Variants in TREH observed in about 807,000 individuals in gnomAD.
TREH encodes the protein alpha,alpha-trehalose glucohydrolase.
In TREH, 69 loss-of-function variants were observed where a neutral mutation model predicts 80.5. The observed-to-expected ratio is 0.86, with a 90% CI of 0.71 to 1.05. TREH has a LOEUF of 1.05. Among genes scored for constraint, TREH ranks in the 50% least tolerant of loss-of-function variants. TREH has a pLI of 0.00. For synonymous variants in TREH, 309 were observed against 293.5 expected (o/e 1.05, Z -0.54); for missense variants, 716 against 718.8 (o/e 1.00, Z 0.04).
At chr11:118,676,093 C>G (rs1949476392) in intron 1 of TREH, among the ~76,000 whole-genome samples, 2 of 152,218 alleles carry the variant, frequency 1.3e-5, no homozygotes, top group African/African-American at 4.8e-5. Flanking sequence ...AATTGAACTC[C>G]ATCTCCAGCC....
intron 1 of TREH, among the ~76,000 whole-genome samples, chr11:118,671,061 T>C (rs782075089): frequency 1.4e-4 from 21 of 152,152 alleles, no homozygotes; most frequent in Admixed American, 5.9e-4. Flanking sequence ...TGTAAATGCT[T>C]CTCCTTCAGT....
In TREH at chr11:118,674,403, C is replaced by A. The variant is rs142118656; in HGVS notation, c.89+5136G>T. 2.6e-3 allele frequency among the ~76,000 whole-genome samples: 397 copies of A among 152,266 alleles called. 1 individual carries two copies. The highest frequency in any genetic ancestry group is 4.4e-3 in the Non-Finnish European group (302 of 68,026). On this transcript the variant is annotated intron_variant, in intron 1 of 14. Coordinates refer to ENST00000264029, the MANE Select transcript of TREH (RefSeq NM_007180.3). The surrounding 1 kb of genome is among the most constrained non-coding windows in gnomAD (Gnocchi z 4.4). ...TCAATATTGCTTGATGAGTGGATTT[C>A]CATACCTTCTGTTTTACAATACTAG... is the stretch of plus-strand genomic sequence containing the variant.
Position 118,674,139 on chromosome 11 carries a change from T to C in TREH, c.89+5400A>G, listed in dbSNP as rs964253934. 3.0e-4 allele frequency among the ~76,000 whole-genome samples: 45 copies of C among 152,250 alleles called. No homozygotes were observed. Among genetic ancestry groups the C allele is most frequent in the Admixed American group, 9.2e-4 (14 of 15,292 alleles). On this transcript the variant is annotated intron_variant, in intron 1 of 14. Transcript: ENST00000264029. The surrounding 1 kb of genome is among the most constrained non-coding windows in gnomAD (Gnocchi z 4.4). ...CTGTGAGCATTTCCCCAAGATATTA[T>C]AGGTATTTCAGGTTTCAAGATTATC... is the stretch of plus-strand genomic sequence containing the variant.
At position 118,679,524 on chromosome 11, in the gene TREH, T is replaced by C; in HGVS notation, c.89+15A>G. ...TTATTGCCATCCTCCCCTGCTGCCT[T>C]CCCCACACCCCTACCTCTCACAGGG... On this transcript the variant is annotated intron_variant, in intron 1 of 14. Transcript: ENST00000264029. The C allele has an allele frequency of 6.8e-7, 1 of 1,472,940 alleles. No homozygotes were observed. Among genetic ancestry groups the C allele is most frequent in the African/African-American group, 1.4e-5 (1 of 70,534 alleles). The allele number at this position is 1,472,940 out of a possible 1,614,324, so 91.2% of individuals were successfully genotyped here.
Position 118,679,571 on chromosome 11 carries a change from C to T in TREH, c.57G>A (p.Gly19=). ...AGGGTGGGGGTAGGGCCTCCTGGGACCCCAGTCCCAGCCCCAGCAGCAGTA... is the reference window on the plus strand; with the variant it reads ...AGGGTGGGGGTAGGGCCTCCTGGGATCCCAGTCCCAGCCCCAGCAGCAGTA... The part of the protein sequence containing the change: ...CLLLLLGLGL[G]SQEALPPPCE... The change falls in exon 1 of 15, where the codon GGG becomes GGA. Residue 19 remains glycine, a synonymous_variant. Coordinates refer to ENST00000264029, the MANE Select transcript of TREH (RefSeq NM_007180.3). 6.4e-7 allele frequency: 1 copy of T among 1,551,426 alleles called. No homozygotes were observed. The highest frequency in any genetic ancestry group is 1.2e-5 in the South Asian group (1 of 81,240).
In TREH at chr11:118,661,061, G is replaced by C; in HGVS notation, c.857+99C>G. 6.3e-7 allele frequency: 1 copy of C among 1,581,080 alleles called. No homozygotes were observed. Reference sequence around the variant, plus strand: ...GGGCTCTCGGTGTCACCATCTGAGAGGCCAGGCTAAGTCACTCCTCCTCCT... The same window carrying C: ...GGGCTCTCGGTGTCACCATCTGAGACGCCAGGCTAAGTCACTCCTCCTCCT... On this transcript the variant is annotated intron_variant, in intron 8 of 14. Coordinates refer to ENST00000264029, the MANE Select transcript of TREH (RefSeq NM_007180.3). This position sits in a 1 kb window ranked among gnomAD's most constrained non-coding sequence, Gnocchi z 4.2.
intron 1 of TREH, 94 bp from the exon 2 acceptor site, chr11:118,663,533 A>G: frequency 9.7e-7 from 1 of 1,030,628 alleles, no homozygotes; most frequent in Non-Finnish European, 1.4e-6. Context: ...TGGTCAAGGC[A>G]TGTTCCCTGG....
intron 11 of TREH, 98 bp downstream of exon 11, chr11:118,659,647 GGC>G (rs1949288246): frequency 6.9e-7 from 1 of 1,440,932 alleles, no homozygotes; most frequent in Non-Finnish European, 9.4e-7. Context: ...TGGGACAAGG[GGC>G]ATAGCCGGAG....
rs1949241681 is a variant in TREH at position 118,658,366 on chromosome 11, T to G, written c.1675A>C (p.Lys559Gln). ...RYGDRLTSGA[K>Q]LAFLEPHCLA... The stretch of plus-strand genomic sequence containing the variant: ...CAGTGGGGCTCCAGGAAAGCCAGCT[T>G]GGCCCCTGAGGTCAGCCGGTCACCA... Residue 559 changes from lysine to glutamine, a missense_variant, in exon 15 of 15, where the codon AAG (lysine) becomes CAG (glutamine). Physicochemically the swap from Lys to Gln is moderately conservative, Grantham distance 53. Coordinates refer to ENST00000264029, the MANE Select transcript of TREH (RefSeq NM_007180.3). The G allele has an allele frequency of 1.2e-6, 2 of 1,606,694 alleles. No homozygotes were observed. Among genetic ancestry groups the G allele is most frequent in the African/African-American group, 2.7e-5 (2 of 74,740 alleles).
intron 1 of TREH, among the ~76,000 whole-genome samples, chr11:118,672,814 T>C (rs1949442959): frequency 6.6e-6 from 1 of 151,584 alleles, no homozygotes; most frequent in Non-Finnish European, 1.5e-5. Flanking sequence ...ACACTAGAAC[T>C]GTGGTGTGTA....
chr11:118,661,872 T>C lies in TREH; in HGVS notation c.524+18A>G. On this transcript the variant is annotated intron_variant, in intron 5 of 14. Coordinates refer to ENST00000264029, the MANE Select transcript of TREH (RefSeq NM_007180.3). This position sits in a 1 kb window ranked among gnomAD's most constrained non-coding sequence, Gnocchi z 4.2. The stretch of plus-strand genomic sequence containing the variant: ...CCAGTCCTGCAGGCCCCTTGGTCTC[T>C]TGGGCCTGGGCGCTCACCAGTAGTA... 1 of 1,563,386 alleles carries C rather than the reference T, an allele frequency of 6.4e-7. No individual in the cohort carries two copies.
chr11:118,662,922 C>T lies in TREH; in HGVS notation c.382G>A (p.Ala128Thr), dbSNP rs782231713. The T allele has an allele frequency of 1.2e-5, 20 of 1,608,124 alleles. No homozygotes were observed. Among genetic ancestry groups the T allele is most frequent in the Non-Finnish European group, 1.7e-5 (20 of 1,177,152 alleles). ...KISDAKLRAW[A>T]GQLHQLWKKL... The stretch of plus-strand genomic sequence containing the variant: ...TTCCAGAGCTGATGCAGCTGCCCTG[C>T]CCAGGCACGCAGTTTGGCATCTGAA... Residue 128 changes from alanine (A) to threonine (T), a missense_variant, in exon 4 of 15, where the codon GCA (alanine) becomes ACA (threonine). Transcript: ENST00000264029.
rs1210607018 is a variant in TREH at position 118,674,603 on chromosome 11, C to T, written c.89+4936G>A. On this transcript the variant is annotated intron_variant, in intron 1 of 14. Transcript: ENST00000264029. The surrounding 1 kb of genome is among the most constrained non-coding windows in gnomAD (Gnocchi z 4.4). Reference sequence around the variant, plus strand: ...TGTTGCCCAAGCTGGAGTGCAATGGCGAGATCTCAGCTCACTGCAACCTCC... The same window carrying T: ...TGTTGCCCAAGCTGGAGTGCAATGGTGAGATCTCAGCTCACTGCAACCTCC... 1.3e-5 allele frequency among the ~76,000 whole-genome samples: 2 copies of T among 152,114 alleles called. No individual in the cohort carries two copies. The highest frequency in any genetic ancestry group is 2.4e-5 in the African/African-American group (1 of 41,420).
Position 118,658,751 on chromosome 11 carries a change from G to C in TREH, c.1546-18C>G. 6.2e-6 allele frequency: 10 copies of C among 1,608,926 alleles called. No individual in the cohort carries two copies. The highest frequency in any genetic ancestry group is 8.5e-6 in the Non-Finnish European group (10 of 1,177,592). ...ACGTCATACTGGGGACAAGCGGGTG[G>C]GCTGTATGTCAGGTACTGCCCCCCA... On this transcript the variant is annotated intron_variant, in intron 13 of 14. Transcript: ENST00000264029.
In TREH at chr11:118,662,930, C is replaced by T. The variant is rs573986675; in HGVS notation, c.374G>A (p.Arg125His). ...CTGATGCAGCTGCCCTGCCCAGGCA[C>T]GCAGTTTGGCATCTGAAATCTTCTG... ...FLQKISDAKL[R>H]AWAGQLHQLW... The change falls in exon 4 of 15, where the codon CGT becomes CAT. Residue 125 changes from arginine (R) to histidine (H), a missense_variant. Arg to His is a conservative substitution (Grantham distance 29, BLOSUM62 0). Coordinates refer to ENST00000264029, the MANE Select transcript of TREH (RefSeq NM_007180.3). 59 of 1,610,416 alleles carry T rather than the reference C, an allele frequency of 3.7e-5. No homozygotes were observed. Among genetic ancestry groups the T allele is most frequent in the East Asian group, 1.1e-4 (5 of 44,796 alleles).
chr11:118,659,035 C>G lies in TREH; in HGVS notation c.1433-18G>C, dbSNP rs782027209. ...GGCCAGGCCTAGACCCCATTGCAGG[C>G]AGGACTCAACCTCCAGGTCTCCCAT... On this transcript the variant is annotated intron_variant, in intron 12 of 14. Coordinates refer to ENST00000264029, the MANE Select transcript of TREH (RefSeq NM_007180.3). 7 of 1,610,882 alleles carry G rather than the reference C, an allele frequency of 4.3e-6. No homozygotes were observed. Among genetic ancestry groups the G allele is most frequent in the Admixed American group, 3.3e-5 (2 of 60,002 alleles).
chr11:118,674,783 C>T lies in TREH; in HGVS notation c.89+4756G>A, dbSNP rs1555146662. 1.3e-5 allele frequency among the ~76,000 whole-genome samples: 2 copies of T among 152,158 alleles called. No individual in the cohort carries two copies. The highest frequency in any genetic ancestry group is 1.3e-4 in the Admixed American group (2 of 15,268). On this transcript the variant is annotated intron_variant, in intron 1 of 14. Transcript: ENST00000264029. The surrounding 1 kb of genome is among the most constrained non-coding windows in gnomAD (Gnocchi z 4.4). Reference sequence around the variant, plus strand: ...TCTTGAACTCCTGATCTCAGATGATCCACCCACCTCTGCCTCCCAAAGTGC... The same window carrying T: ...TCTTGAACTCCTGATCTCAGATGATTCACCCACCTCTGCCTCCCAAAGTGC...
chr11:118,664,231 G>C (rs1855396893), intron 1 of TREH, among the ~76,000 whole-genome samples: 1 of 152,188 alleles, frequency 6.6e-6, no homozygotes, highest in East Asian at 1.9e-4. Flanking sequence ...AAAGCTGCTT[G>C]GTTTATGGGT....
chr11:118,657,638 CG>C lies in TREH; in HGVS notation c.*650del. ...TGCTTAGAGCCAGAAGGGATGAAGC[CG>C]GGGGATCTATGGAACAGAGGAGGAG... On this transcript the variant is annotated 3_prime_UTR_variant, in exon 15 of 15. Transcript: ENST00000264029. 2 of 153,558 alleles carry C rather than the reference CG, an allele frequency of 1.3e-5. No individual in the cohort carries two copies. The highest frequency in any genetic ancestry group is 2.9e-5 in the Non-Finnish European group (2 of 68,752). 9.5% of individuals were successfully genotyped at this position (153,558 alleles called of 1,614,324 possible).
Sources: gnomAD v4.1 joint callset for allele counts (sites outside exome capture counted in the v4.1 genomes callset) on GRCh38, gnomAD v4.1.1 for gene constraint, Gnocchi (gnomAD v3.1) non-coding constraint, MANE v1.5 for transcripts, NCBI Gene and HGNC (gene_info 2026-07-23, HGNC 2026-07-21) for gene names.